The following LZTS2 variants were observed in gnomAD, a reference collection of about 807,000 sequenced individuals.
LZTS2 encodes leucine zipper putative tumor suppressor 2.
LZTS2 carries 32 observed loss-of-function variants against 60.6 expected under a neutral mutation model. That is an observed-to-expected ratio of 0.53 (90% confidence interval 0.40 to 0.71). LZTS2 has a LOEUF of 0.71. Ranked by LOEUF, LZTS2 falls within the 30% of genes least tolerant of loss-of-function variation. The pLI, the probability that LZTS2 is intolerant of heterozygous loss-of-function variation, is 0.00. For synonymous variants in LZTS2, 360 were observed against 393.1 expected, an observed-to-expected ratio of 0.92 and a Z score of 1.00; for missense variants, 792 against 901.9, an observed-to-expected ratio of 0.88 and a Z score of 1.56.
chr10:101,005,624 T>C, exon 3 of LZTS2: 1 of 1,611,214 alleles, frequency 6.2e-7, no homozygotes, highest in South Asian at 1.1e-5. Flanking sequence ...GCACAGCTGC[T>C]GCAGGAGCGC....
At chr10:100,996,754 A>G (rs1851925012), upstream of LZTS2, 1 of 152,368 alleles carries the variant, frequency 6.6e-6, no homozygotes, top group Non-Finnish European at 1.5e-5. Flanking sequence ...TTGTCCCTGT[A>G]TTTGGGGATT....
At chr10:100,997,277 G>C (rs1851935973), upstream of LZTS2, 1 of 152,190 alleles carries the variant, frequency 6.6e-6, no homozygotes, top group Non-Finnish European at 1.5e-5. Context: ...CCCGCCTCCC[G>C]CTCATCCCCG....
chr10:101,006,771 G>C, exon 4 of LZTS2: 7 of 1,563,220 alleles, frequency 4.5e-6, no homozygotes, highest in Non-Finnish European at 6.1e-6. Flanking sequence ...GCCGGACTCC[G>C]GGAGCCCCCT....
At chr10:100,997,186 T>A (rs1851933914), upstream of LZTS2, 3 of 152,496 alleles carry the variant, frequency 2.0e-5, no homozygotes, top group Admixed American at 2.0e-4. Context: ...GTGGGCGCGC[T>A]GGAGCAGGAG....
chr10:101,002,819 A>G, exon 1 of LZTS2: 3 of 1,613,862 alleles, frequency 1.9e-6, no homozygotes, highest in Non-Finnish European at 1.7e-6. Context: ...ATCAATGAGG[A>G]CTTCCGGACA....
chr10:101,006,908 C>T (rs1160788218), exon 4 of LZTS2: 12 of 1,529,108 alleles, frequency 7.8e-6, no homozygotes, highest in South Asian at 6.2e-5. Context: ...GGAGCTGCAG[C>T]GGGAGCGGCG....
chr10:101,003,489 C>T lies in LZTS2; in HGVS notation c.409-18C>T. On this transcript the variant is annotated intron_variant, in intron 1 of 3. Coordinates refer to ENST00000370220, the Ensembl canonical transcript of LZTS2. The stretch of plus-strand genomic sequence containing the variant: ...ATTGGGCAGCTCATCTCCAGTGTCA[C>T]ATGGCACCTCATTTCAGAACATGGA... 6.6e-7 allele frequency: 1 copy of T among 1,513,888 alleles called. No homozygotes were observed. The highest frequency in any genetic ancestry group is 8.8e-7 in the Non-Finnish European group (1 of 1,131,334). 93.8% of individuals were successfully genotyped at this position (1,513,888 alleles called of 1,614,324 possible).
At chr10:101,002,694 G>A (rs1326929652) in exon 1 of LZTS2, 1 of 1,610,730 alleles carries the variant, frequency 6.2e-7, no homozygotes, top group African/African-American at 1.3e-5. Flanking sequence ...GCCCTCCTGG[G>A]CCCACCTTCT....
chr10:101,005,852 C>A, intron 3 of LZTS2, 137 bp downstream of exon 4: 1 of 1,229,554 alleles, frequency 8.1e-7, no homozygotes, highest in Non-Finnish European at 1.1e-6. Flanking sequence ...TGAGGTTCCC[C>A]TCTGTCCCTT....
chr10:101,005,774 G>C, intron 3 of LZTS2, 59 bp downstream of exon 4: 3 of 1,451,730 alleles, frequency 2.1e-6, no homozygotes, highest in Non-Finnish European at 2.7e-6. Flanking sequence ...CCTGGAAAAA[G>C]GGGCCCAGCC....
exon 4 of LZTS2, chr10:101,006,924 G>GTGA (rs1228625637): frequency 1.3e-6 from 2 of 1,534,624 alleles, no homozygotes; most frequent in Admixed American, 4.0e-5. Flanking sequence ...CGGCGGCGGG[G>GTGA]TGAGGAGCAG....
chr10:101,002,684 G>C (rs1852066458), exon 1 of LZTS2: 1 of 1,609,510 alleles, frequency 6.2e-7, no homozygotes, highest in East Asian at 2.2e-5. Flanking sequence ...CGCCACCACG[G>C]CCCTCCTGGG....
At position 101,004,161 on chromosome 10, in the gene LZTS2, T is replaced by TG; in HGVS notation, c.1064dup (p.Cys355TrpfsTer16). ...TCTGGACGAGAATGAGGCTACCATG[T>TG]GCCAGGTGTGGTCAGAGGCAATGAT... On this transcript the variant is annotated frameshift_variant, in exon 2 of 4. Transcript: ENST00000370220. LOFTEE classifies it high-confidence loss of function. The TG allele has an allele frequency of 6.3e-7, 1 of 1,597,276 alleles. No homozygotes were observed. The highest frequency in any genetic ancestry group is 8.6e-7 in the Non-Finnish European group (1 of 1,167,784).
intron 1 of LZTS2, chr10:101,003,226 T>C: frequency 1.9e-6 from 1 of 533,220 alleles, no homozygotes; most frequent in Non-Finnish European, 3.2e-6. Context: ...TTCTGGTTAT[T>C]CTGCACCAGT....
chr10:101,003,948 T>C (rs781612796), exon 2 of LZTS2: 1 of 1,611,352 alleles, frequency 6.2e-7, no homozygotes, highest in Non-Finnish European at 8.5e-7. Flanking sequence ...GAGCACAGGC[T>C]CCCTAGGGGG....
At chr10:101,002,817 G>A in exon 1 of LZTS2, 10 of 1,613,892 alleles carry the variant, frequency 6.2e-6, no homozygotes, top group Non-Finnish European at 7.6e-6. Context: ...ACATCAATGA[G>A]GACTTCCGGA....
chr10:101,006,383 A>G, intron 3 of LZTS2, 102 bp from the exon 5 acceptor site: 2 of 1,455,640 alleles, frequency 1.4e-6, no homozygotes, highest in African/African-American at 1.4e-5. Flanking sequence ...AAATGGGGAT[A>G]AAGATGGACT....
chr10:101,007,823 T>C (rs1175760463), exon 4 of LZTS2: 1 of 262,100 alleles, frequency 3.8e-6, no homozygotes, highest in South Asian at 1.3e-4. Context: ...AAAAATTTTT[T>C]TGTTTAAAAA....
At chr10:101,007,490 G>C (rs1564820132) in exon 4 of LZTS2, 1 of 1,402,050 alleles carries the variant, frequency 7.1e-7, no homozygotes, top group South Asian at 1.2e-5. Flanking sequence ...AGGGGAGCAG[G>C]GAAGAAGAAG....
Sources: gnomAD v4.1 joint callset for allele counts on GRCh38, gnomAD v4.1.1 for gene constraint, MANE v1.5 for transcripts, NCBI Gene and HGNC (gene_info 2026-07-23, HGNC 2026-07-21) for gene names.